Variants in CRPPA observed in about 807,000 individuals in gnomAD.
The protein encoded by CRPPA is D-ribitol-5-phosphate cytidylyltransferase.
A neutral mutation model predicts 52.0 loss-of-function variants in CRPPA; 43 were observed. The ratio of observed to expected loss-of-function variants is 0.83; its 90% CI spans 0.65 to 1.07. The LOEUF (loss-of-function observed/expected upper bound fraction) is 1.07, where lower values mean the gene tolerates loss of function less well. Among genes scored for constraint, CRPPA ranks in the 50% least tolerant of loss-of-function variants. The probability of loss-of-function intolerance (pLI) is 0.00; values close to 1 mark genes in which losing one functional copy is unlikely to be tolerated. For synonymous variants in CRPPA, 250 were observed against 203.5 expected (o/e 1.23, Z -1.94); for missense variants, 629 against 551.7 (o/e 1.14, Z -1.40).
At chr7:16,357,332 C>A (rs868083990) in intron 3 of CRPPA, among the ~76,000 whole-genome samples, 1 of 152,114 alleles carries the variant, frequency 6.6e-6, no homozygotes, top group Non-Finnish European at 1.5e-5. Flanking sequence ...GTGCATACCA[C>A]CATGCCTGGC....
intron 9 of CRPPA, among the ~76,000 whole-genome samples, chr7:16,197,927 G>C (rs574188948): frequency 2.2e-4 from 33 of 148,292 alleles, no homozygotes; most frequent in African/African-American, 8.3e-4. Flanking sequence ...TGCAGGATGT[G>C]CTTTGTTAAA....
At chr7:16,227,449 C>T (rs1361322246) in intron 8 of CRPPA, among the ~76,000 whole-genome samples, 1 of 151,802 alleles carries the variant, frequency 6.6e-6, no homozygotes, top group African/African-American at 2.4e-5. Flanking sequence ...GAGGTGATAT[C>T]TCATTGTGGT....
At chr7:16,333,057 T>C (rs1785592520) in intron 3 of CRPPA, among the ~76,000 whole-genome samples, 2 of 152,098 alleles carry the variant, frequency 1.3e-5, no homozygotes, top group African/African-American at 4.8e-5. Context: ...GGGACAATAC[T>C]CTAAGAAGAC....
chr7:16,107,068 A>G (rs1006138520), intron 9 of CRPPA, among the ~76,000 whole-genome samples: 10 of 152,168 alleles, frequency 6.6e-5, no homozygotes, highest in Admixed American at 5.2e-4. Context: ...TTAAAATTAT[A>G]CAGTTAGTGA....
rs1176078261 is a variant in CRPPA, at chr7:16,089,464, TATATGTACGTAC to T, written c.*2219_*2230del. The T allele has an allele frequency of 5.5e-5, 18 of 329,850 alleles. No individual in the cohort carries two copies. The highest frequency in any genetic ancestry group is 4.8e-4 in the Admixed American group (18 of 37,600). 20.4% of individuals were successfully genotyped at this position (329,850 alleles called of 1,614,324 possible). The stretch of plus-strand genomic sequence containing the variant: ...ATGTACGTGCATACATATATGTGTA[TATATGTACGTAC>T]ATATATACGGGTATATATGTACGTA... On this transcript the variant is annotated 3_prime_UTR_variant, in exon 10 of 10. Coordinates refer to ENST00000407010, the MANE Select transcript of CRPPA (RefSeq NM_001101426.4).
intron 1 of CRPPA, among the ~76,000 whole-genome samples, chr7:16,418,606 A>G (rs1043644471): frequency 6.6e-6 from 1 of 152,190 alleles, no homozygotes; most frequent in African/African-American, 2.4e-5. Flanking sequence ...AAGGAGAATG[A>G]ACACAGGAGG....
intron 9 of CRPPA, among the ~76,000 whole-genome samples, chr7:16,212,295 T>G (rs1445688005): frequency 6.6e-6 from 1 of 152,186 alleles, no homozygotes; most frequent in Non-Finnish European, 1.5e-5. Context: ...CTACATTGCT[T>G]TCAAAAGTTC....
At chr7:16,293,207 C>A (rs1784596446) in intron 5 of CRPPA, among the ~76,000 whole-genome samples, 1 of 151,858 alleles carries the variant, frequency 6.6e-6, no homozygotes, top group Non-Finnish European at 1.5e-5. Flanking sequence ...TTCTTGGAAA[C>A]ACTCAACACC....
At chr7:16,420,674 GT>G (rs1788307928) in intron 1 of CRPPA, among the ~76,000 whole-genome samples, 1 of 152,216 alleles carries the variant, frequency 6.6e-6, no homozygotes, top group Non-Finnish European at 1.5e-5. Context: ...CAGTGTGCAC[GT>G]ACAACTCAAT....
At chr7:16,171,098 T>G (rs1781175825) in intron 9 of CRPPA, among the ~76,000 whole-genome samples, 1 of 152,168 alleles carries the variant, frequency 6.6e-6, no homozygotes, top group South Asian at 2.1e-4. Context: ...TGAGAGCGAG[T>G]GAGGGCTGCC....
chr7:16,392,142 T>C (rs1787462209), intron 2 of CRPPA, among the ~76,000 whole-genome samples: 1 of 152,184 alleles, frequency 6.6e-6, no homozygotes, highest in Non-Finnish European at 1.5e-5. Flanking sequence ...CCAGGTATTT[T>C]ATTTCAGGCC....
chr7:16,397,714 G>A (rs1054013985), intron 2 of CRPPA, among the ~76,000 whole-genome samples: 4 of 152,138 alleles, frequency 2.6e-5, no homozygotes, highest in African/African-American at 9.7e-5. Flanking sequence ...ATTGACATGC[G>A]ACCAACGTTT....
chr7:16,223,668 G>A (rs1197368792), intron 8 of CRPPA, among the ~76,000 whole-genome samples: 2 of 151,960 alleles, frequency 1.3e-5, no homozygotes, highest in Non-Finnish European at 2.9e-5. Context: ...AAATTCAGTT[G>A]GTACAAAATC....
chr7:16,192,025 C>A (rs1781625349), intron 9 of CRPPA, among the ~76,000 whole-genome samples: 1 of 151,994 alleles, frequency 6.6e-6, no homozygotes, highest in African/African-American at 2.4e-5. Context: ...CAAATCATTC[C>A]ATCTTGGTGT....
At chr7:16,227,274 T>TA (rs1782676286) in intron 8 of CRPPA, among the ~76,000 whole-genome samples, 1 of 151,870 alleles carries the variant, frequency 6.6e-6, no homozygotes, top group Admixed American at 6.6e-5. Flanking sequence ...TGGTAGATGA[T>TA]ACATTAGTTC....
chr7:16,221,326 T>G (rs1782494265), intron 8 of CRPPA, among the ~76,000 whole-genome samples: 1 of 152,092 alleles, frequency 6.6e-6, no homozygotes, highest in African/African-American at 2.4e-5. Context: ...ACGTTAGACC[T>G]AAAACCATAA....
At chr7:16,114,790 C>G (rs1178339749) in intron 9 of CRPPA, among the ~76,000 whole-genome samples, 1 of 152,022 alleles carries the variant, frequency 6.6e-6, no homozygotes, top group Non-Finnish European at 1.5e-5. Flanking sequence ...ATAAGATTAA[C>G]TAAAGAAGCC....
rs1466929441 is a variant in CRPPA, at chr7:16,122,445, CATGTT to C, written c.1252-30651_1252-30647del. 2.0e-5 allele frequency among the ~76,000 whole-genome samples: 3 copies of C among 152,032 alleles called. No homozygotes were observed. In the East Asian group the frequency reaches 5.8e-4, roughly 29 times the overall value. ...AAACAATTGATAATCTTTATAAGAA[CATGTT>C]ATAAGACAATTAAAAGTCAACATGT... On this transcript the variant is annotated intron_variant, in intron 9 of 9. Coordinates refer to ENST00000407010, the MANE Select transcript of CRPPA (RefSeq NM_001101426.4).
intron 2 of CRPPA, among the ~76,000 whole-genome samples, chr7:16,396,872 G>C (rs1245203256): frequency 6.6e-6 from 1 of 152,262 alleles, no homozygotes; most frequent in Non-Finnish European, 1.5e-5. Context: ...ACACATGACT[G>C]AAAGCACATG....
Sources: gnomAD v4.1 joint callset for allele counts (sites outside exome capture counted in the v4.1 genomes callset) on GRCh38, gnomAD v4.1.1 for gene constraint, MANE v1.5 for transcripts, NCBI Gene and HGNC (gene_info 2026-07-23, HGNC 2026-07-21) for gene names.